Variants in ST8SIA6 observed in about 807,000 individuals in gnomAD.
ST8SIA6 encodes the protein ST8 alpha-N-acetyl-neuraminide alpha-2,8-sialyltransferase 6.
ST8SIA6 carries 39 observed loss-of-function variants against 33.6 expected under a neutral mutation model. That is an observed-to-expected ratio of 1.16 (90% CI 0.90 to 1.52). The LOEUF (loss-of-function observed/expected upper bound fraction) is 1.52, where lower values mean the gene tolerates loss of function less well. Among genes scored for constraint, ST8SIA6 ranks in the 40% most tolerant of loss-of-function variants. The pLI, the probability that ST8SIA6 is intolerant of heterozygous loss-of-function variation, is 0.00. For synonymous variants in ST8SIA6, 172 were observed against 167.2 expected, an observed-to-expected ratio of 1.03 and a Z score of -0.22; for missense variants, 441 against 443.8, an observed-to-expected ratio of 0.99 and a Z score of 0.06.
Position 17,373,433 on chromosome 10 carries a change from C to T in ST8SIA6, c.291-13833G>A, listed in dbSNP as rs138431337. Among the ~76,000 whole-genome samples the T allele has an allele frequency of 2.6e-4, 39 of 152,192 alleles. No individual in the cohort carries two copies. The East Asian group carries it at 7.3e-3, about 29-fold the overall frequency. On this transcript the variant is annotated intron_variant, in intron 3 of 7. Coordinates refer to ENST00000377602, the MANE Select transcript of ST8SIA6 (RefSeq NM_001004470.3). Reference sequence around the variant, plus strand: ...ACCTGCTGAATATGTTTGACTTTACCATGTAATACAGACCCTGCGAGGCAT... The same window carrying T: ...ACCTGCTGAATATGTTTGACTTTACTATGTAATACAGACCCTGCGAGGCAT...
chr10:17,378,580 A>C (rs1488025385), intron 3 of ST8SIA6, among the ~76,000 whole-genome samples: 1 of 152,156 alleles, frequency 6.6e-6, no homozygotes, highest in Non-Finnish European at 1.5e-5. Context: ...CCCTCAGGAA[A>C]AGCTTCATAA....
At chr10:17,376,994 T>C (rs547613299) in intron 3 of ST8SIA6, among the ~76,000 whole-genome samples, 1 of 152,338 alleles carries the variant, frequency 6.6e-6, no homozygotes, top group African/African-American at 2.4e-5. Context: ...TAAGCCATCA[T>C]ATCCCCTGTG....
chr10:17,323,229 G>GCGCACACA, intron 6 of ST8SIA6, 72 bp from the exon 7 acceptor site: 1 of 793,952 alleles, frequency 1.3e-6, no homozygotes, highest in African/African-American at 1.8e-5. Flanking sequence ...ACATATGCGC[G>GCGCACACA]CACACACACA....
At chr10:17,353,369 A>G (rs1849093837) in intron 4 of ST8SIA6, among the ~76,000 whole-genome samples, 1 of 152,210 alleles carries the variant, frequency 6.6e-6, no homozygotes, top group Non-Finnish European at 1.5e-5. Context: ...TCACAAAGTT[A>G]AATCATTAAA....
intron 2 of ST8SIA6, among the ~76,000 whole-genome samples, chr10:17,403,040 C>CT (rs1851110345): frequency 6.6e-6 from 1 of 152,138 alleles, no homozygotes; most frequent in Non-Finnish European, 1.5e-5. Flanking sequence ...GCCCATCACT[C>CT]TAATGTTAAG....
chr10:17,352,825 T>C (rs1050570468), intron 4 of ST8SIA6, among the ~76,000 whole-genome samples: 1 of 152,136 alleles, frequency 6.6e-6, no homozygotes, highest in Non-Finnish European at 1.5e-5. Flanking sequence ...GCATGCTGTA[T>C]GGTAATGACA....
chr10:17,386,504 A>G (rs1054226403), intron 3 of ST8SIA6, among the ~76,000 whole-genome samples: 4 of 152,164 alleles, frequency 2.6e-5, no homozygotes, highest in Admixed American at 1.3e-4. Flanking sequence ...GCACCACTGC[A>G]CTCCAGCCTG....
At chr10:17,389,500 G>T (rs1447950321) in intron 3 of ST8SIA6, among the ~76,000 whole-genome samples, 1 of 152,074 alleles carries the variant, frequency 6.6e-6, no homozygotes, top group Non-Finnish European at 1.5e-5. Context: ...CATTGGACTG[G>T]GCACCTTCTA....
intron 3 of ST8SIA6, among the ~76,000 whole-genome samples, chr10:17,385,572 G>C (rs963189787): frequency 1.3e-5 from 2 of 152,018 alleles, no homozygotes; most frequent in Non-Finnish European, 2.9e-5. Flanking sequence ...TTGCAGGTGG[G>C]GGCAGGGGTC....
intron 2 of ST8SIA6, among the ~76,000 whole-genome samples, chr10:17,431,257 C>T (rs755405996): frequency 2.0e-5 from 3 of 152,120 alleles, no homozygotes; most frequent in African/African-American, 7.2e-5. Context: ...GATCAGGTAG[C>T]TCCCACCCCG....
chr10:17,373,648 C>T (rs553823807), intron 3 of ST8SIA6, among the ~76,000 whole-genome samples: 21 of 152,148 alleles, frequency 1.4e-4, no homozygotes, highest in Non-Finnish European at 2.6e-4. Flanking sequence ...TAAACTATAC[C>T]TTTAACATTG....
chr10:17,336,884 A>G (rs903285313), intron 4 of ST8SIA6, among the ~76,000 whole-genome samples: 29 of 152,074 alleles, frequency 1.9e-4, no homozygotes, highest in African/African-American at 7.0e-4. Context: ...GTGAGCCACC[A>G]TGCCTGGCCT....
chr10:17,343,817 G>C (rs930083889), intron 4 of ST8SIA6, among the ~76,000 whole-genome samples: 6 of 152,204 alleles, frequency 3.9e-5, no homozygotes, highest in African/African-American at 1.4e-4. Context: ...CAGTGGCTCA[G>C]ATAGGAGCAT....
intron 2 of ST8SIA6, among the ~76,000 whole-genome samples, chr10:17,447,118 C>CA (rs1852740899): frequency 6.6e-6 from 1 of 151,800 alleles, no homozygotes; most frequent in African/African-American, 2.4e-5. Flanking sequence ...TGGCCGGGAG[C>CA]AGTAGCCCAT....
chr10:17,352,490 G>A (rs772448096), intron 4 of ST8SIA6, among the ~76,000 whole-genome samples: 3 of 152,174 alleles, frequency 2.0e-5, no homozygotes, highest in Admixed American at 2.0e-4. Flanking sequence ...TGTAAACAAT[G>A]TAATGTACCA....
chr10:17,387,727 G>C (rs1438648612), intron 3 of ST8SIA6, among the ~76,000 whole-genome samples: 1 of 152,220 alleles, frequency 6.6e-6, no homozygotes, highest in Non-Finnish European at 1.5e-5. Flanking sequence ...GGGGAAATGG[G>C]GCTAGAGGTG....
At chr10:17,446,441 T>C (rs1202785976) in intron 2 of ST8SIA6, among the ~76,000 whole-genome samples, 1 of 152,174 alleles carries the variant, frequency 6.6e-6, no homozygotes, top group African/African-American at 2.4e-5. Context: ...CTTAAATGCT[T>C]TCTGAGATGT....
At chr10:17,386,431 G>A (rs1850350656) in intron 3 of ST8SIA6, among the ~76,000 whole-genome samples, 1 of 152,008 alleles carries the variant, frequency 6.6e-6, no homozygotes, top group East Asian at 1.9e-4. Context: ...CCCAGCTACT[G>A]GGGAGACTGA....
At chr10:17,358,868 C>T (rs1849293067) in intron 4 of ST8SIA6, among the ~76,000 whole-genome samples, 2 of 152,098 alleles carry the variant, frequency 1.3e-5, no homozygotes, top group Admixed American at 1.3e-4. Flanking sequence ...GACAACTGAC[C>T]TTGATCTATG....
Sources: allele counts gnomAD v4.1 joint callset (sites outside exome capture counted in the v4.1 genomes callset), GRCh38; gene constraint gnomAD v4.1.1; transcripts MANE v1.5; gene names NCBI Gene and HGNC (gene_info 2026-07-23, HGNC 2026-07-21).